Variants in CACNA2D4 observed in about 807,000 individuals in gnomAD.
The protein encoded by CACNA2D4 is voltage-dependent calcium channel subunit alpha-2/delta-4.
A neutral mutation model predicts 163.8 loss-of-function variants in CACNA2D4; 157 were observed. The ratio of observed to expected loss-of-function variants is 0.96; its 90% confidence interval spans 0.84 to 1.09. The LOEUF (loss-of-function observed/expected upper bound fraction) is 1.09, where lower values mean the gene tolerates loss of function less well. Ranked by LOEUF, CACNA2D4 falls within the 50% of genes least tolerant of loss-of-function variation. The pLI, the probability that CACNA2D4 is intolerant of heterozygous loss-of-function variation, is 0.00. For missense variants in CACNA2D4, 1,410 were observed against 1,479.9 expected (o/e 0.95, Z 0.78); for synonymous variants, 598 against 586.9 (o/e 1.02, Z -0.27).
intron 26 of CACNA2D4, among the ~76,000 whole-genome samples, chr12:1,817,675 G>A (rs889715917): frequency 6.6e-6 from 1 of 152,160 alleles, no homozygotes; most frequent in African/African-American, 2.4e-5. Context: ...TGGTGGAGAC[G>A]GGGTTTCGCT....
At chr12:1,911,170 C>T (rs1592752131) in intron 3 of CACNA2D4, among the ~76,000 whole-genome samples, 2 of 152,010 alleles carry the variant, frequency 1.3e-5, no homozygotes, top group Admixed American at 1.3e-4. Flanking sequence ...ACTACAGGCA[C>T]CCACCACCAT....
intron 18 of CACNA2D4, among the ~76,000 whole-genome samples, chr12:1,871,614 C>T (rs564844824): frequency 4.6e-4 from 65 of 141,708 alleles, no homozygotes; most frequent in South Asian, 3.4e-3. Context: ...GTATGCCGCT[C>T]GTGTGTGCAT....
chr12:1,871,284 C>G (rs1483294682), intron 18 of CACNA2D4, among the ~76,000 whole-genome samples: 1 of 132,854 alleles, frequency 7.5e-6, no homozygotes, highest in Admixed American at 7.9e-5. Flanking sequence ...TGTGTGTACA[C>G]CTGTATGTTG....
chr12:1,831,089 G>C (rs1864604805), intron 26 of CACNA2D4: 1 of 1,613,884 alleles, frequency 6.2e-7, no homozygotes, highest in Non-Finnish European at 8.5e-7. Context: ...GAACCCTCTT[G>C]CTCTTGAACA....
At chr12:1,848,543 G>C (rs1416277783) in intron 23 of CACNA2D4, among the ~76,000 whole-genome samples, 1 of 152,140 alleles carries the variant, frequency 6.6e-6, no homozygotes, top group Non-Finnish European at 1.5e-5. Context: ...CGAAATATCT[G>C]TATAAGGAAA....
In CACNA2D4 at chr12:1,801,634, A is replaced by T. The variant is rs1241192916; in HGVS notation, c.2732T>A (p.Phe911Tyr). The T allele has an allele frequency of 6.3e-7, 1 of 1,586,210 alleles. No individual in the cohort carries two copies. Among genetic ancestry groups the T allele is most frequent in the Admixed American group, 1.8e-5 (1 of 56,348 alleles). Residue 911 changes from phenylalanine to tyrosine, a missense_variant, in exon 30 of 38, where the codon TTT becomes TAT. Phe to Tyr is a conservative substitution (Grantham distance 22, BLOSUM62 3). Transcript: ENST00000382722. ...ISKRSRETGR[F>Y]LGEVDGAVLT... ...GACAGCACCATCCACCTCCCCCAGAAATCTTCCCGTCTGTGAGAGAGGGAC... is the reference window on the plus strand; with the variant it reads ...GACAGCACCATCCACCTCCCCCAGATATCTTCCCGTCTGTGAGAGAGGGAC...
At chr12:1,810,378 C>G in intron 28 of CACNA2D4, 38 bp from the exon 29 acceptor site, 2 of 1,591,554 alleles carry the variant, frequency 1.3e-6, no homozygotes, top group Non-Finnish European at 1.7e-6. Context: ...TGCCAGGGCC[C>G]TCACCCACCC....
rs1864752619 is a variant in CACNA2D4, at chr12:1,834,239, AG to A, written c.2551+6499del. On this transcript the variant is annotated intron_variant, in intron 26 of 37. Transcript: ENST00000382722. The surrounding 1 kb of genome is among the most constrained non-coding windows in gnomAD (Gnocchi z 7.6). ...GAGTGCAAGTTCTAGATGCCTGGTC[AG>A]CCCCTCTTTTTCTCTTCTGCATGTA... 1 of 1,526,428 alleles carries A rather than the reference AG, an allele frequency of 6.6e-7. No individual in the cohort carries two copies. The highest frequency in any genetic ancestry group is 8.8e-7 in the Non-Finnish European group (1 of 1,135,834). The allele number at this position is 1,526,428 out of a possible 1,614,324, so 94.6% of individuals were successfully genotyped here.
intron 26 of CACNA2D4, chr12:1,831,631 G>T: frequency 1.0e-6 from 1 of 975,660 alleles, no homozygotes; most frequent in Non-Finnish European, 1.5e-6. Context: ...CAGGCCAGGG[G>T]AAAGAAGGGG....
chr12:1,872,401 A>G (rs1865805413), intron 18 of CACNA2D4, among the ~76,000 whole-genome samples: 1 of 152,258 alleles, frequency 6.6e-6, no homozygotes, highest in African/African-American at 2.4e-5. Context: ...GGAGAAAACA[A>G]CACGGCAGGC....
chr12:1,822,403 TTCC>T (rs1224044733), intron 26 of CACNA2D4, among the ~76,000 whole-genome samples: 5 of 152,082 alleles, frequency 3.3e-5, no homozygotes, highest in Non-Finnish European at 7.4e-5. Flanking sequence ...CCCTCTGGTC[TTCC>T]TCCTTTTTCC....
Position 1,831,203 on chromosome 12 carries a change from C to T in CACNA2D4, c.2551+9536G>A, listed in dbSNP as rs560557931. 46 of 1,613,862 alleles carry T rather than the reference C, an allele frequency of 2.9e-5. No individual in the cohort carries two copies. In the East Asian group the frequency reaches 4.9e-4, roughly 17 times the overall value. On this transcript the variant is annotated intron_variant, in intron 26 of 37. Transcript: ENST00000382722. ...TGGACCGGCTGCCCCGCTCCATTTT[C>T]GGGGACCTGACGAATCTGACTGAGC...
Position 1,834,800 on chromosome 12 carries a change from C to T in CACNA2D4, c.2551+5939G>A, listed in dbSNP as rs564381412. 111 of 1,475,676 alleles carry T rather than the reference C, an allele frequency of 7.5e-5. 2 individuals are homozygous for T. The South Asian group carries it at 9.3e-4, about 12-fold the overall frequency. 91.4% of individuals were successfully genotyped at this position (1,475,676 alleles called of 1,614,324 possible). On this transcript the variant is annotated intron_variant, in intron 26 of 37. Transcript: ENST00000382722. This position sits in a 1 kb window ranked among gnomAD's most constrained non-coding sequence, Gnocchi z 7.6. ...CTCAGCCACAGCTCCCACCTTGACC[C>T]GGCGCTGGCCACTGCCTCCCCGAGT... is the stretch of plus-strand genomic sequence containing the variant.
At chr12:1,895,370 A>G in intron 6 of CACNA2D4, among the ~76,000 whole-genome samples, 1 of 151,994 alleles carries the variant, frequency 6.6e-6, no homozygotes, top group South Asian at 2.1e-4. Context: ...AGTAGAAAAA[A>G]ATCATAAAAT....
rs566461267 is a variant in CACNA2D4, at chr12:1,829,481, T to G, written c.2551+11258A>C. 1.3e-5 allele frequency among the ~76,000 whole-genome samples: 2 copies of G among 152,064 alleles called. No homozygotes were observed. Among genetic ancestry groups the G allele is most frequent in the South Asian group, 4.2e-4 (2 of 4,808 alleles). On this transcript the variant is annotated intron_variant, in intron 26 of 37. Coordinates refer to ENST00000382722, the MANE Select transcript of CACNA2D4 (RefSeq NM_172364.5). This position sits in a 1 kb window ranked among gnomAD's most constrained non-coding sequence, Gnocchi z 4.2. ...TTCCATGGCTGTACCTGTGCTCACTTCTCGCCAAGAACAGTGAGGCTTGCT... is the reference window on the plus strand; with the variant it reads ...TTCCATGGCTGTACCTGTGCTCACTGCTCGCCAAGAACAGTGAGGCTTGCT...
At chr12:1,848,920 A>G (rs1308239142) in intron 23 of CACNA2D4, among the ~76,000 whole-genome samples, 1 of 152,056 alleles carries the variant, frequency 6.6e-6, no homozygotes, top group East Asian at 1.9e-4. Context: ...CTGTGATTAT[A>G]ATTACTTTTG....
intron 6 of CACNA2D4, among the ~76,000 whole-genome samples, chr12:1,900,810 A>G (rs951237604): frequency 1.3e-5 from 2 of 152,230 alleles, no homozygotes; most frequent in Non-Finnish European, 2.9e-5. Flanking sequence ...GAGAAAATCA[A>G]CAAAGAAACA....
Position 1,878,992 on chromosome 12 carries a change from G to A in CACNA2D4, c.1608C>T (p.Ala536=). Residue 536 remains alanine, a synonymous_variant, in exon 15 of 38, where the codon GCC becomes GCT. Transcript: ENST00000382722. The surrounding 1 kb of genome is among the most constrained non-coding windows in gnomAD (Gnocchi z 4.6). The part of the protein sequence containing the change: ...ILLGVVGSDV[A]LRELMKLAPR... ...GCGCCAGCTTCATCAGCTCTCTCAG[G>A]GCCACATCTGAGCCCACCACACCCA... 6.2e-7 allele frequency: 1 copy of A among 1,613,826 alleles called. No homozygotes were observed. Among genetic ancestry groups the A allele is most frequent in the Non-Finnish European group, 8.5e-7 (1 of 1,179,842 alleles).
chr12:1,865,673 CA>C (rs1865635424), intron 18 of CACNA2D4, among the ~76,000 whole-genome samples: 1 of 152,334 alleles, frequency 6.6e-6, no homozygotes, highest in Non-Finnish European at 1.5e-5. Flanking sequence ...GCAGCAGCAC[CA>C]GGGGCAGCCG....
Sources: gnomAD v4.1 joint callset for allele counts (sites outside exome capture counted in the v4.1 genomes callset) on GRCh38, gnomAD v4.1.1 for gene constraint, Gnocchi (gnomAD v3.1) non-coding constraint, MANE v1.5 for transcripts, NCBI Gene and HGNC (gene_info 2026-07-23, HGNC 2026-07-21) for gene names.